MARK1: variants seen among roughly 807,000 people sequenced by gnomAD.
MARK1 encodes serine/threonine-protein kinase MARK1.
In MARK1, 40 loss-of-function variants were observed where a neutral mutation model predicts 96.3. The ratio of observed to expected loss-of-function variants is 0.42; its 90% CI spans 0.32 to 0.54. MARK1 has a LOEUF of 0.54. MARK1 is among the 20% of genes least tolerant of loss of function. The pLI, the probability that MARK1 is intolerant of heterozygous loss-of-function variation, is 0.16. For missense variants in MARK1, 719 were observed against 984.6 expected (o/e 0.73, Z 3.61); for synonymous variants, 317 against 341.2 (o/e 0.93, Z 0.78).
intron 9 of MARK1, among the ~76,000 whole-genome samples, chr1:220,623,765 T>G (rs1187539960): frequency 6.6e-6 from 1 of 152,228 alleles, no homozygotes; most frequent in Non-Finnish European, 1.5e-5. Context: ...AAATGTTGTA[T>G]AAAATGTATT....
intron 13 of MARK1, among the ~76,000 whole-genome samples, chr1:220,641,984 C>T (rs1668297440): frequency 6.6e-6 from 1 of 152,224 alleles, no homozygotes; most frequent in Admixed American, 6.5e-5. Flanking sequence ...CTGGGCAGAC[C>T]CATGGCAGCT....
rs73093541 is a variant in MARK1, at chr1:220,578,241, C to T, written c.52-1113C>T. Among the ~76,000 whole-genome samples, 380 of 152,256 alleles carry T rather than the reference C, an allele frequency of 2.5e-3. 3 individuals are homozygous for T. Among genetic ancestry groups the T allele is most frequent in the African/African-American group, 8.5e-3 (353 of 41,552 alleles). On this transcript the variant is annotated intron_variant, in intron 1 of 17. Transcript: ENST00000366917. ...TATTATGTGTGATTCAACATTTTCA[C>T]AAAAACTGCTAGAAATTTTATGTAT...
chr1:220,622,904 T>C (rs2102982758), intron 9 of MARK1, among the ~76,000 whole-genome samples: 1 of 152,262 alleles, frequency 6.6e-6, no homozygotes, highest in Non-Finnish European at 1.5e-5. Context: ...TAAAATAAAA[T>C]AAATGTGCAT....
chr1:220,561,374 T>G (rs1222365400), intron 1 of MARK1, among the ~76,000 whole-genome samples: 1 of 152,152 alleles, frequency 6.6e-6, no homozygotes, highest in Non-Finnish European at 1.5e-5. Flanking sequence ...TTCTGTGATT[T>G]TTTTTTTAAG....
chr1:220,621,153 G>A (rs1667031497), intron 9 of MARK1, among the ~76,000 whole-genome samples: 1 of 151,658 alleles, frequency 6.6e-6, no homozygotes, highest in Admixed American at 6.6e-5. Flanking sequence ...CTTTTGATAT[G>A]CACTTCTTGC....
Position 220,635,873 on chromosome 1 carries a change from A to G in MARK1, c.1317A>G (p.Arg439=). The stretch of plus-strand genomic sequence containing the variant: ...CTCCTGCTGTATCATATACCAAAAG[A>G]CCTCAGGCTAACAGTGTGGAAAGTG... The part of the protein sequence containing the change: ...SIPPAVSYTK[R]PQANSVESEQ... Residue 439 remains arginine, a synonymous_variant, in exon 13 of 18, where the codon AGA becomes AGG. Coordinates refer to ENST00000366917, the MANE Select transcript of MARK1 (RefSeq NM_018650.5). 6.2e-7 allele frequency: 1 copy of G among 1,612,986 alleles called. No individual in the cohort carries two copies. The highest frequency in any genetic ancestry group is 8.5e-7 in the Non-Finnish European group (1 of 1,179,688).
At position 220,528,865 on chromosome 1, in the gene MARK1, A is replaced by G. The variant is rs1263862949; in HGVS notation, c.43A>G (p.Thr15Ala). 2 of 1,571,106 alleles carry G rather than the reference A, an allele frequency of 1.3e-6. No homozygotes were observed. The highest frequency in any genetic ancestry group is 3.6e-5 in the Admixed American group (2 of 55,432). The change falls in exon 1 of 18, where the codon ACG (threonine) becomes GCG (alanine). Residue 15 changes from threonine to alanine, a missense_variant. Physicochemically the swap from Thr to Ala is moderately conservative, Grantham distance 58. Coordinates refer to ENST00000366917, the MANE Select transcript of MARK1 (RefSeq NM_018650.5). ...ATTGCCGACGGTGAACGAGCGGGAC[A>G]CGGAAAATGTGAGTAACCGGAGCCT... is the stretch of plus-strand genomic sequence containing the variant. ...TPLPTVNERD[T>A]ENHTSVDGYT... is the part of the protein sequence containing the mutation.
At chr1:220,553,640 C>T (rs190964327) in intron 1 of MARK1, among the ~76,000 whole-genome samples, 8 of 152,316 alleles carry the variant, frequency 5.3e-5, no homozygotes, top group African/African-American at 1.7e-4. Context: ...CAACACCCAG[C>T]TCATAATGGG....
chr1:220,626,404 G>C, intron 9 of MARK1: 1 of 548,046 alleles, frequency 1.8e-6, no homozygotes, highest in Non-Finnish European at 3.7e-6. Flanking sequence ...GTATTATGCT[G>C]TTAACTACCT....
chr1:220,542,218 A>G lies in MARK1; in HGVS notation c.51+13345A>G, dbSNP rs1026514958. Among the ~76,000 whole-genome samples, 3 of 152,148 alleles carry G rather than the reference A, an allele frequency of 2.0e-5. No homozygotes were observed. In the South Asian group the frequency reaches 6.2e-4, roughly 32 times the overall value. ...TAGATTCTTGGACTTTGCTTATTTT[A>G]TGATTTCATCTTCATTTCCTTGAAC... On this transcript the variant is annotated intron_variant, in intron 1 of 17. Coordinates refer to ENST00000366917, the MANE Select transcript of MARK1 (RefSeq NM_018650.5).
chr1:220,599,573 CTT>C (rs1374860168), intron 4 of MARK1, among the ~76,000 whole-genome samples: 2 of 152,012 alleles, frequency 1.3e-5, no homozygotes, highest in Admixed American at 1.3e-4. Context: ...ATCCTAGAAA[CTT>C]AACTTTTTCA....
rs1324407633 is a variant in MARK1, at chr1:220,635,999, G to C, written c.1443G>C (p.Glu481Asp). The change falls in exon 13 of 18, where the codon GAG becomes GAC. Residue 481 changes from glutamate (E) to aspartate (D), a missense_variant. Physicochemically the swap from Glu to Asp is conservative, Grantham distance 45. Transcript: ENST00000366917. The part of the protein sequence containing the change: ...EMTASPLVGP[E>D]RKKSSTIPSN... ...CTGCAAGCCCTCTTGTAGGGCCAGA[G>C]AGGAAAAAATCTTCAACTATTCCAA... 2 of 1,611,336 alleles carry C rather than the reference G, an allele frequency of 1.2e-6. No homozygotes were observed. The highest frequency in any genetic ancestry group is 2.2e-5 in the South Asian group (2 of 90,480).
chr1:220,540,935 T>C (rs1252176860), intron 1 of MARK1, among the ~76,000 whole-genome samples: 1 of 152,026 alleles, frequency 6.6e-6, no homozygotes, highest in Non-Finnish European at 1.5e-5. Context: ...GAAGTCTCTC[T>C]CTTTTTTTTT....
At chr1:220,626,631 G>A (rs772787186) in intron 9 of MARK1, 3 of 355,720 alleles carry the variant, frequency 8.4e-6, no homozygotes, top group African/African-American at 2.1e-5. Flanking sequence ...ACACCAGCCT[G>A]GCCAACATGG....
chr1:220,608,957 A>G (rs1165027292), intron 6 of MARK1, among the ~76,000 whole-genome samples: 1 of 152,214 alleles, frequency 6.6e-6, no homozygotes, highest in Admixed American at 6.5e-5. Context: ...ACATTTGCTG[A>G]GGAGTGCTTT....
At chr1:220,557,078 A>G (rs1662318242) in intron 1 of MARK1, among the ~76,000 whole-genome samples, 1 of 152,174 alleles carries the variant, frequency 6.6e-6, no homozygotes, top group Non-Finnish European at 1.5e-5. Flanking sequence ...GAATAAATAA[A>G]AGGAGATTCA....
chr1:220,578,792 A>G (rs1377386994), intron 1 of MARK1, among the ~76,000 whole-genome samples: 6 of 152,256 alleles, frequency 3.9e-5, no homozygotes, highest in African/African-American at 1.4e-4. Context: ...CTGGCTGTAT[A>G]TTTACAATTT....
intron 9 of MARK1, among the ~76,000 whole-genome samples, chr1:220,622,011 A>G (rs1229021895): frequency 6.6e-6 from 1 of 152,212 alleles, no homozygotes; most frequent in Non-Finnish European, 1.5e-5. Flanking sequence ...AAACAGTTAT[A>G]TAATTTTTTC....
chr1:220,542,448 A>G (rs1468058200), intron 1 of MARK1, among the ~76,000 whole-genome samples: 4 of 152,142 alleles, frequency 2.6e-5, no homozygotes, highest in Admixed American at 2.6e-4. Flanking sequence ...CTGGTATTTG[A>G]TGGTGAACTC....
Sources: allele counts gnomAD v4.1 joint callset (sites outside exome capture counted in the v4.1 genomes callset), GRCh38; gene constraint gnomAD v4.1.1; transcripts MANE v1.5; gene names NCBI Gene and HGNC (gene_info 2026-07-23, HGNC 2026-07-21).